The following SYT9 variants were observed in gnomAD, a reference collection of about 807,000 sequenced individuals.
SYT9 encodes the protein synaptotagmin-9.
Under a neutral mutation model 48.4 loss-of-function variants are expected in SYT9, and 22 were observed. The ratio of observed to expected loss-of-function variants is 0.45; its 90% confidence interval spans 0.32 to 0.65. The LOEUF is 0.65. Ranked by LOEUF, SYT9 falls within the 30% of genes least tolerant of loss-of-function variation. The pLI is 0.03. For missense variants in SYT9, 577 were observed against 622.0 expected (o/e 0.93, Z 0.77); for synonymous variants, 265 against 245.0 (o/e 1.08, Z -0.76).
chr11:7,439,798 C>G (rs1338159802), intron 6 of SYT9: 1 of 152,152 alleles, frequency 6.6e-6, no homozygotes, highest in Non-Finnish European at 1.5e-5. Flanking sequence ...ACAAGCAGCC[C>G]TAACCACCGA....
In SYT9 at chr11:7,459,866, G is replaced by C. The variant is rs187965314; in HGVS notation, c.1468-6926G>C. Among the ~76,000 whole-genome samples, 201 of 152,270 alleles carry C rather than the reference G, an allele frequency of 1.3e-3. 2 individuals carry two copies. The highest frequency in any genetic ancestry group is 4.6e-3 in the African/African-American group (192 of 41,562). ...AACCACTAAGAGCTAGGAAGAGGCA[G>C]GGAAGACTTCTCCCCAAGAGCTTTC... On this transcript the variant is annotated intron_variant, in intron 6 of 6. Transcript: ENST00000318881.
Position 7,466,894 on chromosome 11 carries a change from C to T in SYT9, c.*94C>T, listed in dbSNP as rs929951975. 23 of 1,468,992 alleles carry T rather than the reference C, an allele frequency of 1.6e-5. No homozygotes were observed. Among genetic ancestry groups the T allele is most frequent in the African/African-American group, 5.6e-5 (4 of 71,022 alleles). 91.0% of individuals were successfully genotyped at this position (1,468,992 alleles called of 1,614,324 possible). A position where few individuals can be genotyped will look rare whatever the true frequency, so the allele number is the denominator to read the frequency against. ...CTTTTTCCATCCAGCAACATCCAGA[C>T]GATTTCAGTGACCAAATGCTCAGCT... On this transcript the variant is annotated 3_prime_UTR_variant, in exon 7 of 7. Coordinates refer to ENST00000318881, the MANE Select transcript of SYT9 (RefSeq NM_175733.4).
At chr11:7,247,237 T>C (rs927004825), upstream of SYT9, among the ~76,000 whole-genome samples, 1 of 152,110 alleles carries the variant, frequency 6.6e-6, no homozygotes, top group African/African-American at 2.4e-5. Flanking sequence ...TTGAAGTCTT[T>C]TATCTCCTGC....
At chr11:7,320,624 T>A (rs1489764570) in intron 3 of SYT9, among the ~76,000 whole-genome samples, 1 of 152,164 alleles carries the variant, frequency 6.6e-6, no homozygotes, top group African/African-American at 2.4e-5. Context: ...ACTGCTTGAG[T>A]TGGAGGCTGT....
At chr11:7,250,528 C>T (rs959666636), upstream of SYT9, among the ~76,000 whole-genome samples, 1 of 149,020 alleles carries the variant, frequency 6.7e-6, no homozygotes, top group Non-Finnish European at 1.5e-5. Context: ...AGGGGTTCCC[C>T]CCTTTGAAGA....
chr11:7,313,539 A>G lies in SYT9; in HGVS notation c.642A>G (p.Arg214=), dbSNP rs370702408. Residue 214 remains arginine, a synonymous_variant, in exon 3 of 7, where the codon AGA becomes AGG. Coordinates refer to ENST00000318881, the MANE Select transcript of SYT9 (RefSeq NM_175733.4). ...KQRSLDNDDG[R]RSNSKACGKL... is the part of the protein sequence containing the mutation. ...GGTCATTGGATAATGATGACGGGAGACGGAGTAACAGCAAGGCTTGTGGGA... is the reference window on the plus strand; with the variant it reads ...GGTCATTGGATAATGATGACGGGAGGCGGAGTAACAGCAAGGCTTGTGGGA... 66 of 1,614,156 alleles carry G rather than the reference A, an allele frequency of 4.1e-5. 2 individuals carry two copies. The South Asian group carries it at 6.0e-4, about 15-fold the overall frequency.
chr11:7,314,664 C>G (rs1564858708), intron 3 of SYT9, among the ~76,000 whole-genome samples: 1 of 152,208 alleles, frequency 6.6e-6, no homozygotes, highest in African/African-American at 2.4e-5. Context: ...TTTCATTATC[C>G]TGCAGAGGTG....
chr11:7,315,901 A>G (rs1480886764), intron 3 of SYT9, among the ~76,000 whole-genome samples: 1 of 152,212 alleles, frequency 6.6e-6, no homozygotes, highest in East Asian at 1.9e-4. Flanking sequence ...TACAGGCTTC[A>G]GATTTCTCAG....
At chr11:7,323,392 A>G (rs1056792900) in intron 3 of SYT9, among the ~76,000 whole-genome samples, 8 of 152,120 alleles carry the variant, frequency 5.3e-5, no homozygotes, top group African/African-American at 9.6e-5. Context: ...CAATAATACT[A>G]TGCATGAATA....
chr11:7,249,325 C>T (rs1330547426), upstream of SYT9, among the ~76,000 whole-genome samples: 1 of 152,192 alleles, frequency 6.6e-6, no homozygotes, highest in Non-Finnish European at 1.5e-5. Flanking sequence ...CAGAATTTCA[C>T]TTCTACACAT....
At chr11:7,277,643 C>T (rs1211052546) in intron 1 of SYT9, among the ~76,000 whole-genome samples, 2 of 152,192 alleles carry the variant, frequency 1.3e-5, no homozygotes, top group East Asian at 1.9e-4. Context: ...CAATATGACT[C>T]AATGAATAGT....
chr11:7,289,767 A>G (rs1207321950), intron 1 of SYT9, among the ~76,000 whole-genome samples: 1 of 152,222 alleles, frequency 6.6e-6, no homozygotes, highest in East Asian at 1.9e-4. Context: ...GATTTTTAGA[A>G]CAATTACTAC....
At chr11:7,441,243 G>C (rs1381826053) in intron 6 of SYT9, 2 of 152,230 alleles carry the variant, frequency 1.3e-5, no homozygotes, top group African/African-American at 4.8e-5. Flanking sequence ...GCAGAAATGA[G>C]CCTGCCAGGG....
At chr11:7,246,694 T>G (rs1291179466) in intron 1 of SYT9, among the ~76,000 whole-genome samples, 1 of 152,190 alleles carries the variant, frequency 6.6e-6, no homozygotes, top group African/African-American at 2.4e-5. Context: ...CTCTATGACT[T>G]AAAACAACCA....
At chr11:7,384,990 A>G (rs1479991600) in intron 3 of SYT9, among the ~76,000 whole-genome samples, 1 of 151,216 alleles carries the variant, frequency 6.6e-6, no homozygotes, top group African/African-American at 2.4e-5. Flanking sequence ...TTCAAAAGTC[A>G]CTCTCTCATA....
intron 6 of SYT9, chr11:7,454,384 G>A (rs543214331): frequency 1.2e-6 from 1 of 844,346 alleles, no homozygotes; most frequent in South Asian, 5.4e-5. Context: ...GCCTTCAGCT[G>A]CTTCTCCCAG....
At chr11:7,359,773 T>G (rs1850095276) in intron 3 of SYT9, among the ~76,000 whole-genome samples, 1 of 142,904 alleles carries the variant, frequency 7.0e-6, no homozygotes, top group Non-Finnish European at 1.6e-5. Context: ...ATGAGTAGGT[T>G]GCGAAAATTT....
intron 3 of SYT9, among the ~76,000 whole-genome samples, chr11:7,374,982 T>C (rs1850427140): frequency 6.6e-6 from 1 of 152,230 alleles, no homozygotes; most frequent in South Asian, 2.1e-4. Flanking sequence ...GTTTTAGTCA[T>C]GAAGTCTTTG....
chr11:7,284,249 A>G (rs1848556803), intron 1 of SYT9, among the ~76,000 whole-genome samples: 1 of 152,144 alleles, frequency 6.6e-6, no homozygotes, highest in African/African-American at 2.4e-5. Context: ...TTTTGACAGT[A>G]TTCTTCTAGA....
Sources: allele counts gnomAD v4.1 joint callset (sites outside exome capture counted in the v4.1 genomes callset), GRCh38; gene constraint gnomAD v4.1.1; transcripts MANE v1.5; gene names NCBI Gene and HGNC (gene_info 2026-07-23, HGNC 2026-07-21).